Variants in COMMD10 observed in about 807,000 individuals in gnomAD.
The protein encoded by COMMD10 is COMM domain containing 10.
In COMMD10, 33 loss-of-function variants were observed where a neutral mutation model predicts 28.9. The ratio of observed to expected loss-of-function variants is 1.14; its 90% CI spans 0.87 to 1.53. The LOEUF is 1.53. COMMD10 is among the 40% of genes most tolerant of loss of function. The pLI is 0.00. For missense variants in COMMD10, 310 were observed against 233.4 expected (o/e 1.33, Z -2.14); for synonymous variants, 110 against 81.7 (o/e 1.35, Z -1.87).
At chr5:116,235,589 G>C (rs1201274467) in intron 5 of COMMD10, among the ~76,000 whole-genome samples, 3 of 152,108 alleles carry the variant, frequency 2.0e-5, no homozygotes, top group African/African-American at 7.2e-5. Context: ...TGAATTATCT[G>C]TTTGCTTTCA....
intron 4 of COMMD10, among the ~76,000 whole-genome samples, chr5:116,127,079 GA>G (rs1271795977): frequency 2.6e-5 from 4 of 152,138 alleles, no homozygotes; most frequent in Non-Finnish European, 5.9e-5. Flanking sequence ...AAATTTACAA[GA>G]GAAAATCAAA....
chr5:116,187,599 T>G (rs968964300), intron 5 of COMMD10, among the ~76,000 whole-genome samples: 2 of 152,142 alleles, frequency 1.3e-5, no homozygotes, highest in African/African-American at 4.8e-5. Context: ...CTTCATGCAT[T>G]AACATTCTCT....
At chr5:116,254,882 A>G (rs1208662685) in intron 5 of COMMD10, among the ~76,000 whole-genome samples, 2 of 151,430 alleles carry the variant, frequency 1.3e-5, no homozygotes, top group East Asian at 3.9e-4. Flanking sequence ...TGATCTGTCT[A>G]ATATTGACAG....
chr5:116,244,031 A>C (rs1324990446), intron 5 of COMMD10, among the ~76,000 whole-genome samples: 1 of 152,136 alleles, frequency 6.6e-6, no homozygotes, highest in African/African-American at 2.4e-5. Flanking sequence ...AAAGATGTCT[A>C]TACACACACA....
At chr5:116,226,092 A>G (rs1167771660) in intron 5 of COMMD10, among the ~76,000 whole-genome samples, 6 of 152,034 alleles carry the variant, frequency 3.9e-5, no homozygotes, top group Admixed American at 1.3e-4. Context: ...TGCAGCCAGT[A>G]TGAACTCTCA....
intron 5 of COMMD10, among the ~76,000 whole-genome samples, chr5:116,170,844 A>G (rs1168755600): frequency 6.6e-6 from 1 of 152,226 alleles, no homozygotes; most frequent in Non-Finnish European, 1.5e-5. Flanking sequence ...CTCAAGATGG[A>G]TTAAAGACTT....
chr5:116,196,735 T>G (rs929528241), intron 5 of COMMD10, among the ~76,000 whole-genome samples: 3 of 134,362 alleles, frequency 2.2e-5, no homozygotes, highest in African/African-American at 1.1e-4. Context: ...ACTATGTGTA[T>G]ATGAATGGCT....
intron 5 of COMMD10, among the ~76,000 whole-genome samples, chr5:116,192,883 C>G (rs192215421): frequency 1.3e-5 from 2 of 152,020 alleles, no homozygotes; most frequent in African/African-American, 4.8e-5. Flanking sequence ...AAAGTTAAGA[C>G]GAAAGAATCT....
chr5:116,269,926 A>G (rs917490014), intron 5 of COMMD10, among the ~76,000 whole-genome samples: 8 of 151,886 alleles, frequency 5.3e-5, no homozygotes, highest in Non-Finnish European at 1.0e-4. Flanking sequence ...TCCAGAAACC[A>G]GGTTAATTTC....
intron 5 of COMMD10, among the ~76,000 whole-genome samples, chr5:116,241,758 G>A (rs916615838): frequency 6.6e-6 from 1 of 151,964 alleles, no homozygotes; most frequent in South Asian, 2.1e-4. Flanking sequence ...GACTACAGGC[G>A]CCCGCCACCA....
intron 5 of COMMD10, among the ~76,000 whole-genome samples, chr5:116,158,653 T>A (rs1241810059): frequency 1.3e-5 from 2 of 151,854 alleles, no homozygotes; most frequent in Non-Finnish European, 2.9e-5. Flanking sequence ...GCAAAACTTT[T>A]AAAATTTTCA....
intron 5 of COMMD10, among the ~76,000 whole-genome samples, chr5:116,191,294 G>C (rs1338648435): frequency 1.3e-5 from 2 of 152,018 alleles, no homozygotes; most frequent in Non-Finnish European, 1.5e-5. Flanking sequence ...GAAGCCTCCT[G>C]GCCAGAACTC....
intron 5 of COMMD10, among the ~76,000 whole-genome samples, chr5:116,277,819 G>A (rs1580606553): frequency 6.6e-6 from 1 of 151,886 alleles, no homozygotes; most frequent in Non-Finnish European, 1.5e-5. Flanking sequence ...CATGTTTTCA[G>A]TTACCTTTTT....
chr5:116,233,773 A>G (rs1177662017), intron 5 of COMMD10, among the ~76,000 whole-genome samples: 1 of 152,162 alleles, frequency 6.6e-6, no homozygotes, highest in African/African-American at 2.4e-5. Flanking sequence ...TTAATGAAGC[A>G]CAGTAAGCAA....
intron 5 of COMMD10, among the ~76,000 whole-genome samples, chr5:116,237,645 A>T (rs1749704336): frequency 6.6e-6 from 1 of 152,170 alleles, no homozygotes; most frequent in Non-Finnish European, 1.5e-5. Context: ...CCCTGCTTCT[A>T]GAAAAAAAAG....
rs1751416952 is a variant in COMMD10, at chr5:116,293,141, C to A, written c.*652C>A. ...TATACTGCAAATTAATAATGATTCA[C>A]TTTATAGTTTGGGAGACAGAATCAG... On this transcript the variant is annotated 3_prime_UTR_variant, in exon 7 of 7. Transcript: ENST00000274458. The A allele has an allele frequency of 2.5e-6, 1 of 393,844 alleles. No individual in the cohort carries two copies. The highest frequency in any genetic ancestry group is 2.1e-5 in the African/African-American group (1 of 48,416). The allele number at this position is 393,844 out of a possible 1,614,324, so 24.4% of individuals were successfully genotyped here. A position where few individuals can be genotyped will look rare whatever the true frequency, so the allele number is the denominator to read the frequency against.
At chr5:116,098,151 T>C (rs1197122432) in intron 4 of COMMD10, among the ~76,000 whole-genome samples, 1 of 152,252 alleles carries the variant, frequency 6.6e-6, no homozygotes, top group East Asian at 1.9e-4. Flanking sequence ...ATTCCTTTTA[T>C]ATCATGCTAC....
intron 5 of COMMD10, among the ~76,000 whole-genome samples, chr5:116,271,243 AAAC>A (rs1750744167): frequency 2.1e-5 from 3 of 146,112 alleles, no homozygotes; most frequent in African/African-American, 7.8e-5. Flanking sequence ...ATGATAGTAA[AAAC>A]AATTTTTTTT....
chr5:116,273,035 A>T (rs1561403428), intron 5 of COMMD10, among the ~76,000 whole-genome samples: 1 of 151,866 alleles, frequency 6.6e-6, no homozygotes, highest in South Asian at 2.1e-4. Context: ...TTTATAAAAC[A>T]TCAATGATTT....
Sources: gnomAD v4.1 joint callset for allele counts (sites outside exome capture counted in the v4.1 genomes callset) on GRCh38, gnomAD v4.1.1 for gene constraint, MANE v1.5 for transcripts, NCBI Gene and HGNC (gene_info 2026-07-23, HGNC 2026-07-21) for gene names.